The following TUB variants were observed in gnomAD, a reference collection of about 807,000 sequenced individuals.
TUB encodes tubby protein homolog.
TUB carries 33 observed loss-of-function variants against 59.7 expected under a neutral mutation model. That is an observed-to-expected ratio of 0.55 (90% CI 0.42 to 0.74). TUB has a LOEUF of 0.74. Among genes scored for constraint, TUB ranks in the 30% least tolerant of loss-of-function variants. The probability of loss-of-function intolerance (pLI) is 0.00; values close to 1 mark genes in which losing one functional copy is unlikely to be tolerated. For synonymous variants in TUB, 293 were observed against 256.4 expected, an observed-to-expected ratio of 1.14 and a Z score of -1.36; for missense variants, 659 against 672.0, an observed-to-expected ratio of 0.98 and a Z score of 0.21.
chr11:8,094,262 C>A, intron 4 of TUB, 73 bp downstream of exon 4: 1 of 1,502,176 alleles, frequency 6.7e-7, no homozygotes, highest in South Asian at 1.3e-5. Context: ...GGTTTGTCCT[C>A]CTGACTTGGA....
At chr11:8,095,452 C>T (rs1943944536) in intron 4 of TUB, 46 bp from the exon 5 acceptor site, 3 of 1,564,122 alleles carry the variant, frequency 1.9e-6, no homozygotes, top group Non-Finnish European at 8.7e-7. Flanking sequence ...TCCAGGCCCT[C>T]CTCTCCTCCT....
chr11:8,071,872 C>T (rs1299384302), intron 2 of TUB, among the ~76,000 whole-genome samples: 3 of 152,222 alleles, frequency 2.0e-5, no homozygotes, highest in Non-Finnish European at 2.9e-5. Flanking sequence ...GCCAACCCAA[C>T]TTGCCTGTCT....
chr11:8,098,652 TC>T, intron 8 of TUB, 105 bp from the exon 9 acceptor site: 1 of 816,978 alleles, frequency 1.2e-6, no homozygotes. Context: ...CTGCTCCTGT[TC>T]CAGCCCAGAA....
At chr11:8,072,807 G>C (rs1470099342) in intron 2 of TUB, among the ~76,000 whole-genome samples, 1 of 152,252 alleles carries the variant, frequency 6.6e-6, no homozygotes, top group Non-Finnish European at 1.5e-5. Context: ...CCTCAGTCTT[G>C]TGTGTTTTCA....
upstream of TUB, among the ~76,000 whole-genome samples, chr11:8,034,994 C>T (rs79060805): frequency 4.0e-3 from 611 of 152,324 alleles, 7 homozygotes; most frequent in African/African-American, 0.014. Flanking sequence ...CTCCCGGCTC[C>T]TTGTCGCATG....
In TUB at chr11:8,095,527, G is replaced by A. The variant is rs746566482; in HGVS notation, c.427G>A (p.Asp143Asn). ...GTSGPAALAEDKSEAQGPVQI... is the reference protein window; with the variant it reads ...GTSGPAALAENKSEAQGPVQI... The stretch of plus-strand genomic sequence containing the variant: ...CAGCGGGCCAGCAGCACTGGCAGAA[G>A]ACAAGTCTGAGGCCCAAGGCCCAGT... The change falls in exon 5 of 12, where the codon GAC becomes AAC. Residue 143 changes from aspartate to asparagine, a missense_variant. Around this residue, in one of 3 missense-constraint regions of TUB, gnomAD observed 321 missense variants for 304.3 expected, o/e 1.05. Coordinates refer to ENST00000299506, the MANE Select transcript of TUB (RefSeq NM_177972.3). The A allele has an allele frequency of 3.1e-6, 5 of 1,612,422 alleles. No homozygotes were observed. The highest frequency in any genetic ancestry group is 3.3e-5 in the Admixed American group (2 of 60,002).
At chr11:8,086,241 C>T (rs1943663407) in intron 1 of TUB, among the ~76,000 whole-genome samples, 2 of 152,318 alleles carry the variant, frequency 1.3e-5, no homozygotes, top group Middle Eastern at 3.4e-3. Flanking sequence ...CCATTACTGT[C>T]TCCTTGTGTG....
At chr11:8,028,252 G>A (rs1942527146) in intron 1 of TUB, among the ~76,000 whole-genome samples, 1 of 152,174 alleles carries the variant, frequency 6.6e-6, no homozygotes, top group African/African-American at 2.4e-5. Flanking sequence ...TTATGTCTTA[G>A]AGAAATGTCT....
intron 8 of TUB, 31 bp downstream of exon 8, chr11:8,097,857 A>T: frequency 1.7e-5 from 25 of 1,497,374 alleles, no homozygotes; most frequent in Non-Finnish European, 2.2e-5. Context: ...AGCAGGCGGG[A>T]GTGGGAGGGA....
rs773732517 is a variant in TUB at position 8,090,020 on chromosome 11, G to A, written c.91-49G>A. ...TGGACCCCCCGATAACTGGGAGCCC[G>A]CCCTTCCTGGTGGAGGCAGTGGGTC... On this transcript the variant is annotated intron_variant, in intron 2 of 11. Coordinates refer to ENST00000299506, the MANE Select transcript of TUB (RefSeq NM_177972.3). 3.6e-5 allele frequency: 55 copies of A among 1,524,294 alleles called. 1 individual carries two copies. In the South Asian group the frequency reaches 5.1e-4, roughly 14 times the overall value. The allele number at this position is 1,524,294 out of a possible 1,614,324, so 94.4% of individuals were successfully genotyped here. A position where few individuals can be genotyped will look rare whatever the true frequency, so the allele number is the denominator to read the frequency against.
chr11:8,059,169 C>T (rs1943075464), intron 2 of TUB, among the ~76,000 whole-genome samples: 1 of 152,106 alleles, frequency 6.6e-6, no homozygotes, highest in South Asian at 2.1e-4. Flanking sequence ...TCAGCCTGAC[C>T]TCCTCCTGGC....
Position 8,101,867 on chromosome 11 carries a change from A to C in TUB, c.*248A>C, listed in dbSNP as rs1228035551. ...ATAATTCTTTCCATGCCACGAGATC[A>C]ACACACACTCCCACCCTTGGGGTAG... On this transcript the variant is annotated 3_prime_UTR_variant, in exon 12 of 12. Transcript: ENST00000299506. 2 of 417,526 alleles carry C rather than the reference A, an allele frequency of 4.8e-6. No individual in the cohort carries two copies. Among genetic ancestry groups the C allele is most frequent in the Non-Finnish European group, 8.1e-6 (2 of 246,248 alleles). 25.9% of individuals were successfully genotyped at this position (417,526 alleles called of 1,614,324 possible). A position where few individuals can be genotyped will look rare whatever the true frequency, so the allele number is the denominator to read the frequency against.
At position 8,072,117 on chromosome 11, in the gene TUB, C is replaced by G. The variant is rs147131659; in HGVS notation, c.204-17493C>G. 9.2e-3 allele frequency among the ~76,000 whole-genome samples: 1,397 copies of G among 152,226 alleles called. 36 individuals are homozygous for G. Among genetic ancestry groups the G allele is most frequent in the African/African-American group, 0.031 (1,301 of 41,544 alleles). ...ACATGGAGAGCAGGTGGGCTGTGATCGGACCAGGAGTCGGGAGAGAGACAC... is the reference window on the plus strand; with the variant it reads ...ACATGGAGAGCAGGTGGGCTGTGATGGGACCAGGAGTCGGGAGAGAGACAC... On this transcript the variant is annotated intron_variant, in intron 2 of 12. Coordinates refer to the TUB transcript ENST00000305253.
intron 2 of TUB, among the ~76,000 whole-genome samples, chr11:8,047,925 G>T (rs1942862129): frequency 6.6e-6 from 1 of 152,136 alleles, no homozygotes; most frequent in South Asian, 2.1e-4. Context: ...ATATAACTCT[G>T]CTAGAAAGGG....
At chr11:8,059,014 G>A (rs946192607) in intron 2 of TUB, among the ~76,000 whole-genome samples, 2 of 152,154 alleles carry the variant, frequency 1.3e-5, no homozygotes, top group Non-Finnish European at 2.9e-5. Context: ...TTAACACCCC[G>A]TAGGCCCTCC....
At chr11:8,096,309 G>A (rs1009448124) in intron 5 of TUB, among the ~76,000 whole-genome samples, 17 of 152,178 alleles carry the variant, frequency 1.1e-4, no homozygotes, top group Non-Finnish European at 1.2e-4. Context: ...TAGGCCTGAG[G>A]TCAGAAATGG....
chr11:8,033,140 C>T (rs897008774), intron 1 of TUB, among the ~76,000 whole-genome samples: 2 of 152,208 alleles, frequency 1.3e-5, no homozygotes, highest in Non-Finnish European at 2.9e-5. Context: ...CCCTCGCCTG[C>T]CCGCTTCCCT....
chr11:8,097,106 C>T lies in TUB; in HGVS notation c.688-122C>T, dbSNP rs537621370. 260 of 1,148,420 alleles carry T rather than the reference C, an allele frequency of 2.3e-4. No homozygotes were observed. In the African/African-American group the frequency reaches 3.4e-3, roughly 15 times the overall value. 71.1% of individuals were successfully genotyped at this position (1,148,420 alleles called of 1,614,324 possible). A position where few individuals can be genotyped will look rare whatever the true frequency, so the allele number is the denominator to read the frequency against. ...ACCCCAGGCCCAGGCTGGCCAGGCC[C>T]CAATCCCAGGATCCTTCCCTCTCTC... On this transcript the variant is annotated intron_variant, in intron 6 of 11. Transcript: ENST00000299506.
chr11:8,079,673 G>GGTGTGTGTGC (rs71059150), upstream of TUB, among the ~76,000 whole-genome samples: 7 of 149,476 alleles, frequency 4.7e-5, no homozygotes, highest in East Asian at 9.8e-4. Flanking sequence ...CATGTGTGTA[G>GGTGTGTGTGC]GTGTGTGTAG....
Sources: allele counts gnomAD v4.1 joint callset (sites outside exome capture counted in the v4.1 genomes callset), GRCh38; gene constraint gnomAD v4.1.1; regional missense constraint gnomAD v4.1.1; transcripts MANE v1.5; gene names NCBI Gene and HGNC (gene_info 2026-07-23, HGNC 2026-07-21).